Variants in MAP7D3 observed in about 807,000 individuals in gnomAD.
MAP7D3 encodes MAP7 domain containing 3, also known as MAP7 domain-containing protein 3.
MAP7D3 carries 45 observed loss-of-function variants against 62.2 expected under a neutral mutation model. The ratio of observed to expected loss-of-function variants is 0.72; its 90% CI spans 0.57 to 0.93. The LOEUF (loss-of-function observed/expected upper bound fraction) is 0.93. Ranked by LOEUF, MAP7D3 falls within the 40% of genes least tolerant of loss-of-function variation. The pLI is 0.00. For synonymous variants in MAP7D3, 288 were observed against 248.8 expected, an observed-to-expected ratio of 1.16 and a Z score of -1.48; for missense variants, 711 against 683.1, an observed-to-expected ratio of 1.04 and a Z score of -0.45.
chrX:136,243,442 C>A (rs1477114540), intron 4 of MAP7D3, among the ~76,000 whole-genome samples: 1 of 111,925 alleles, frequency 8.9e-6, no homozygotes. Flanking sequence ...CAGTGGCTCA[C>A]GCCTGTAATC....
At chrX:136,232,566 C>A (rs1008616660) in intron 7 of MAP7D3, among the ~76,000 whole-genome samples, 1 of 112,329 alleles carries the variant, frequency 8.9e-6, no homozygotes, top group Admixed American at 9.4e-5. Context: ...ATTACAAGAT[C>A]TTCAACCCTT....
chrX:136,218,066 A>G lies in MAP7D3; in HGVS notation c.*460T>C, dbSNP rs183562020. ...CAAGACTCCGTCTCAAAAAAAAAAA[A>G]AAGAAAAAGAAAAAGAAAAAGCATT... On this transcript the variant is annotated 3_prime_UTR_variant, in exon 19 of 19. Transcript: ENST00000316077. 2.7e-5 allele frequency: 3 copies of G among 110,054 alleles called. No individual in the cohort carries two copies. Among genetic ancestry groups the G allele is most frequent in the African/African-American group, 9.9e-5 (3 of 30,361 alleles). 9.1% of individuals were successfully genotyped at this position (110,054 alleles called of 1,213,427 possible). A position where few individuals can be genotyped will look rare whatever the true frequency, so the allele number is the denominator to read the frequency against.
At chrX:136,256,151 G>A (rs2074550342), upstream of MAP7D3, 25 of 749,644 alleles carry the variant, frequency 3.3e-5, 1 homozygote, top group South Asian at 1.4e-3. Flanking sequence ...TTCTCCTCTC[G>A]TCGCTCACTC....
At chrX:136,246,805 A>C (rs940296624) in intron 1 of MAP7D3, among the ~76,000 whole-genome samples, 6 of 112,449 alleles carry the variant, frequency 5.3e-5, no homozygotes, top group Non-Finnish European at 1.1e-4. Context: ...TAACAGTGAA[A>C]TACTCAGTGA....
At position 136,251,348 on chromosome X, in the gene MAP7D3, T is replaced by TAC; in HGVS notation, c.10_11insGT (p.Asp4GlyfsTer14). 1 of 1,122,041 alleles carries TAC rather than the reference T, an allele frequency of 8.9e-7. No homozygotes were observed. Among genetic ancestry groups the TAC allele is most frequent in the Non-Finnish European group, 1.2e-6 (1 of 856,641 alleles). 92.5% of individuals were successfully genotyped at this position (1,122,041 alleles called of 1,213,427 possible). A position where few individuals can be genotyped will look rare whatever the true frequency, so the allele number is the denominator to read the frequency against. ...GCCGCCAGCGCCAGCTGCGGCGCCG[T>TAC]CCGCCATCATCGGAGTCGGGACCGG... On this transcript the variant is annotated frameshift_variant, in exon 1 of 19. Transcript: ENST00000316077. LOFTEE classifies it high-confidence loss of function.
chrX:136,254,924 C>CAAA (rs10653202), upstream of MAP7D3, among the ~76,000 whole-genome samples: 1 of 108,665 alleles, frequency 9.2e-6, no homozygotes, highest in African/African-American at 3.3e-5. Context: ...AACAAACAAA[C>CAAA]AAAAAAAACG....
intron 4 of MAP7D3, among the ~76,000 whole-genome samples, chrX:136,244,070 G>A (rs1006425280): frequency 9.0e-6 from 1 of 111,477 alleles, no homozygotes; most frequent in African/African-American, 3.3e-5. Context: ...CACATCCAGA[G>A]GGGCCCTGTC....
At chrX:136,231,501 A>C (rs953565095) in intron 8 of MAP7D3, 43 bp downstream of exon 8, 37 of 1,085,092 alleles carry the variant, frequency 3.4e-5, no homozygotes, top group Middle Eastern at 2.5e-4. Flanking sequence ...CAAAATATAC[A>C]TATTTTAATA....
rs926130271 is a variant in MAP7D3, at chrX:136,251,187, G to C, written c.70+102C>G. 11 of 740,005 alleles carry C rather than the reference G, an allele frequency of 1.5e-5. No individual in the cohort carries two copies. The South Asian group carries it at 2.7e-4, about 18-fold the overall frequency. The allele number at this position is 740,005 out of a possible 1,213,427, so 61.0% of individuals were successfully genotyped here. A position where few individuals can be genotyped will look rare whatever the true frequency, so the allele number is the denominator to read the frequency against. Reference sequence around the variant, plus strand: ...TAGCACGAGGCGACTCCAGGGAAAAGTTTTGTGGCGCCCGCTGCGCCGCTC... The same window carrying C: ...TAGCACGAGGCGACTCCAGGGAAAACTTTTGTGGCGCCCGCTGCGCCGCTC... On this transcript the variant is annotated intron_variant, in intron 1 of 18. Coordinates refer to ENST00000316077, the MANE Select transcript of MAP7D3 (RefSeq NM_024597.4).
At chrX:136,252,248 G>C (rs956975684), upstream of MAP7D3, among the ~76,000 whole-genome samples, 1 of 111,453 alleles carries the variant, frequency 9.0e-6, no homozygotes, top group Non-Finnish European at 1.9e-5. Context: ...CCACTTGTGA[G>C]ATGGGCACTT....
At position 136,241,166 on chromosome X, in the gene MAP7D3, T is replaced by C. The variant is rs780194081; in HGVS notation, c.529A>G (p.Lys177Glu). The C allele has an allele frequency of 8.9e-7, 1 of 1,123,925 alleles. No homozygotes were observed. Among genetic ancestry groups the C allele is most frequent in the Non-Finnish European group, 1.2e-6 (1 of 819,438 alleles). The allele number at this position is 1,123,925 out of a possible 1,213,427, so 92.6% of individuals were successfully genotyped here. ...GGSAMANSES[K>E]TANKRSASTE... Reference sequence around the variant, plus strand: ...TAATGGGTGTATTAATTACCAGTTTTGCTCTCAGAATTCGCCATTGCAGAG... The same window carrying C: ...TAATGGGTGTATTAATTACCAGTTTCGCTCTCAGAATTCGCCATTGCAGAG... The change falls in exon 5 of 19, where the codon AAA becomes GAA. Residue 177 changes from lysine (K) to glutamate (E), a missense_variant. Physicochemically the swap from Lys to Glu is moderately conservative, Grantham distance 56 (BLOSUM62 1). Coordinates refer to ENST00000316077, the MANE Select transcript of MAP7D3 (RefSeq NM_024597.4).
chrX:136,223,702 A>ACTTCATTAGT (rs1219484587), intron 14 of MAP7D3, among the ~76,000 whole-genome samples: 5 of 110,961 alleles, frequency 4.5e-5, no homozygotes, highest in African/African-American at 1.6e-4. Context: ...AAGGTGCCTA[A>ACTTCATTAGT]CTTCATTAGT....
chrX:136,241,581 T>C (rs957068884), intron 4 of MAP7D3, among the ~76,000 whole-genome samples: 2 of 111,943 alleles, frequency 1.8e-5, no homozygotes, highest in Admixed American at 1.9e-4. Context: ...TGGTATACTT[T>C]TGTGCATGCT....
intron 6 of MAP7D3, among the ~76,000 whole-genome samples, chrX:136,238,849 C>T: frequency 9.0e-6 from 1 of 111,317 alleles, no homozygotes; most frequent in Middle Eastern, 4.6e-3. Context: ...GAAATCTTTT[C>T]CATAAGGTTA....
At chrX:136,231,077 A>T (rs764818429) in intron 8 of MAP7D3, 111 bp from the exon 9 acceptor site, 5 of 560,497 alleles carry the variant, frequency 8.9e-6, no homozygotes, top group African/African-American at 2.4e-5. Context: ...CACAATTAGA[A>T]TTCTTTAAAC....
At chrX:136,245,690 T>C (rs2074439884) in intron 3 of MAP7D3, among the ~76,000 whole-genome samples, 2 of 110,111 alleles carry the variant, frequency 1.8e-5, no homozygotes, top group African/African-American at 6.6e-5. Context: ...GAGGCTGCAG[T>C]GAGCTGAGAT....
In MAP7D3 at chrX:136,230,864, C is replaced by T; in HGVS notation, c.1516G>A (p.Gly506Ser). 3 of 1,207,935 alleles carry T rather than the reference C, an allele frequency of 2.5e-6. No individual in the cohort carries two copies. The Admixed American group carries it at 6.6e-5, about 26-fold the overall frequency. The change falls in exon 9 of 19, where the codon GGT becomes AGT. Residue 506 changes from glycine (G) to serine (S), a missense_variant. Gly to Ser is a moderately conservative substitution (Grantham distance 56). Transcript: ENST00000316077. ...TTAGTGCTGATGGGAGACGGCAGAC[C>T]ACAAGCATTTTCAGGAGATGATGAC... ...KWSSSPENAC[G>S]LPSPISTNRQ...
Position 136,230,436 on chromosome X carries a change from T to C in MAP7D3, c.1699A>G (p.Lys567Glu). The C allele has an allele frequency of 8.3e-7, 1 of 1,205,650 alleles. No individual in the cohort carries two copies. The highest frequency in any genetic ancestry group is 3.0e-5 in the East Asian group (1 of 33,804). ...AAAGCCTCACATCTGTTAGTGGTTTTAGAAACTGTTTCTTTTTTCTTTTTG... is the reference window on the plus strand; with the variant it reads ...AAAGCCTCACATCTGTTAGTGGTTTCAGAAACTGTTTCTTTTTTCTTTTTG... Reference protein sequence around the residue: ...TVKKKKETVSKTTNRCEALSQ... With the variant: ...TVKKKKETVSETTNRCEALSQ... Residue 567 changes from lysine to glutamate, a missense_variant, in exon 10 of 19, where the codon AAA (lysine) becomes GAA (glutamate). Physicochemically the swap from Lys to Glu is moderately conservative, Grantham distance 56. Coordinates refer to ENST00000316077, the MANE Select transcript of MAP7D3 (RefSeq NM_024597.4).
In MAP7D3 at chrX:136,217,268, GGCAA is replaced by G. The variant is rs1272201441; in HGVS notation, c.*1254_*1257del. On this transcript the variant is annotated 3_prime_UTR_variant, in exon 19 of 19. Coordinates refer to ENST00000316077, the MANE Select transcript of MAP7D3 (RefSeq NM_024597.4). The stretch of plus-strand genomic sequence containing the variant: ...CACTGGCAGCCAGTGGCTAGAGAAA[GGCAA>G]GCAAATTTTGGTTGTATCTCAAGCC... 1 of 112,354 alleles carries G rather than the reference GGCAA, an allele frequency of 8.9e-6. No homozygotes were observed. Among genetic ancestry groups the G allele is most frequent in the Non-Finnish European group, 1.9e-5 (1 of 53,252 alleles). The allele number at this position is 112,354 out of a possible 1,213,427, so 9.3% of individuals were successfully genotyped here.
Sources: allele counts gnomAD v4.1 joint callset (sites outside exome capture counted in the v4.1 genomes callset), GRCh38; gene constraint gnomAD v4.1.1; transcripts MANE v1.5; gene names NCBI Gene and HGNC (gene_info 2026-07-23, HGNC 2026-07-21).